Variants in HIBCH observed in about 807,000 individuals in gnomAD.
HIBCH encodes 3-hydroxyisobutyryl-CoA hydrolase, mitochondrial.
Under a neutral mutation model 58.2 loss-of-function variants are expected in HIBCH, and 50 were observed. The ratio of observed to expected loss-of-function variants is 0.86; its 90% CI spans 0.68 to 1.09. The LOEUF is 1.09. HIBCH is among the 50% of genes least tolerant of loss of function. The pLI, the probability that HIBCH is intolerant of heterozygous loss-of-function variation, is 0.00. For missense variants in HIBCH, 450 were observed against 449.7 expected (o/e 1.00, Z -0.01); for synonymous variants, 151 against 146.9 (o/e 1.03, Z -0.20).
intron 11 of HIBCH, among the ~76,000 whole-genome samples, chr2:190,240,493 T>C (rs1407290256): frequency 6.6e-6 from 1 of 152,290 alleles, no homozygotes; most frequent in East Asian, 1.9e-4. Flanking sequence ...CTTTATCTCC[T>C]TCAGTTCTGC....
In HIBCH at chr2:190,262,188, G is replaced by GAA. The variant is rs1202492171; in HGVS notation, c.439-956_439-955dup. ...CAAAAAAAAAAAAAAGAAAAGAAAAGAAAAGAAAAAAACCCTGAGAATGCT... is the reference window on the plus strand; with the variant it reads ...CAAAAAAAAAAAAAAGAAAAGAAAAGAAAAAAGAAAAAAACCCTGAGAATGCT... On this transcript the variant is annotated intron_variant, in intron 6 of 13. Transcript: ENST00000359678. Among the ~76,000 whole-genome samples the GAA allele has an allele frequency of 3.5e-5, 5 of 143,926 alleles. 1 individual carries two copies. The highest frequency in any genetic ancestry group is 3.4e-4 in the Admixed American group (5 of 14,590). The allele number at this position is 143,926 out of a possible 152,430, so 94.4% of individuals were successfully genotyped here. A position where few individuals can be genotyped will look rare whatever the true frequency, so the allele number is the denominator to read the frequency against.
At chr2:190,269,592 T>C (rs1001160494) in intron 6 of HIBCH, among the ~76,000 whole-genome samples, 6 of 152,108 alleles carry the variant, frequency 3.9e-5, no homozygotes, top group Non-Finnish European at 1.5e-5. Context: ...GGCAAGGCAG[T>C]GGAAAAATGG....
In HIBCH at chr2:190,290,487, T is replaced by C. The variant is rs755454222; in HGVS notation, c.305-2A>G. The C allele has an allele frequency of 6.3e-7, 1 of 1,587,118 alleles. No individual in the cohort carries two copies. The highest frequency in any genetic ancestry group is 8.6e-7 in the Non-Finnish European group (1 of 1,157,272). ...TTGCCTTTTCAGCTTCCGAGATCAC[T>C]AGGAAGGAAAGATTACAAATAAAAA... On this transcript the variant is annotated splice_acceptor_variant, in intron 4 of 13. Coordinates refer to ENST00000359678, the MANE Select transcript of HIBCH (RefSeq NM_014362.4). LOFTEE classifies it high-confidence loss of function.
chr2:190,272,547 G>A (rs1193722532), intron 6 of HIBCH, among the ~76,000 whole-genome samples: 1 of 152,038 alleles, frequency 6.6e-6, no homozygotes, highest in Non-Finnish European at 1.5e-5. Context: ...AAATGCACAG[G>A]GCAAAAGGTG....
intron 7 of HIBCH, among the ~76,000 whole-genome samples, chr2:190,253,380 C>T (rs1446923867): frequency 6.6e-6 from 1 of 152,042 alleles, no homozygotes; most frequent in Non-Finnish European, 1.5e-5. Context: ...TTCTACTTTA[C>T]AAAAAAGTTC....
intron 3 of HIBCH, among the ~76,000 whole-genome samples, chr2:190,295,768 T>A (rs376274852): frequency 1.3e-5 from 2 of 152,344 alleles, no homozygotes; most frequent in East Asian, 3.9e-4. Context: ...TATCACATTT[T>A]GGGACATATT....
intron 2 of HIBCH, among the ~76,000 whole-genome samples, chr2:190,303,131 T>C (rs916016160): frequency 8.5e-5 from 13 of 152,326 alleles, no homozygotes; most frequent in African/African-American, 2.6e-4. Flanking sequence ...TGAACTCATG[T>C]TTAGTTTAAT....
At chr2:190,318,072 C>T (rs1422901467) in intron 1 of HIBCH, among the ~76,000 whole-genome samples, 1 of 151,886 alleles carries the variant, frequency 6.6e-6, no homozygotes, top group African/African-American at 2.4e-5. Context: ...ATGATATGCC[C>T]GCCTCGGCCT....
At chr2:190,237,997 A>G (rs1239290974) in intron 11 of HIBCH, among the ~76,000 whole-genome samples, 1 of 152,202 alleles carries the variant, frequency 6.6e-6, no homozygotes, top group Non-Finnish European at 1.5e-5. Context: ...AAAGGACATG[A>G]ACTCATTCTT....
chr2:190,256,320 C>G (rs1485563452), intron 7 of HIBCH, among the ~76,000 whole-genome samples: 1 of 151,928 alleles, frequency 6.6e-6, no homozygotes, highest in African/African-American at 2.4e-5. Context: ...CAGCATGTTC[C>G]CCACCATCTG....
intron 4 of HIBCH, among the ~76,000 whole-genome samples, chr2:190,293,551 G>T (rs1287703688): frequency 6.6e-6 from 1 of 152,144 alleles, no homozygotes; most frequent in African/African-American, 2.4e-5. Flanking sequence ...ATCAGTTTAA[G>T]TAATCAAAGT....
chr2:190,262,667 C>T (rs1687121354), intron 6 of HIBCH, among the ~76,000 whole-genome samples: 1 of 152,210 alleles, frequency 6.6e-6, no homozygotes, highest in South Asian at 2.1e-4. Flanking sequence ...CCCTCTCCAC[C>T]TCCTGAACTC....
At chr2:190,319,586 G>T in intron 1 of HIBCH, 130 bp downstream of exon 1, 1 of 762,874 alleles carries the variant, frequency 1.3e-6, no homozygotes, top group Non-Finnish European at 2.3e-6. Flanking sequence ...GGCCAAGGTT[G>T]GGGTCTCACA....
intron 9 of HIBCH, among the ~76,000 whole-genome samples, chr2:190,246,945 G>C (rs75776262): frequency 7.2e-5 from 11 of 152,064 alleles, no homozygotes; most frequent in Non-Finnish European, 1.3e-4. Flanking sequence ...CTCTGAGTTA[G>C]TGTTGAGACA....
chr2:190,285,209 T>G (rs1004783581), intron 6 of HIBCH, among the ~76,000 whole-genome samples: 1 of 152,228 alleles, frequency 6.6e-6, no homozygotes, highest in Non-Finnish European at 1.5e-5. Context: ...CTTTTTCAAC[T>G]TGTAGCCCTT....
intron 11 of HIBCH, among the ~76,000 whole-genome samples, chr2:190,223,455 T>C (rs1207785385): frequency 3.3e-5 from 5 of 152,040 alleles, no homozygotes; most frequent in African/African-American, 4.8e-5. Flanking sequence ...GCCTGATAAG[T>C]GGTAGTCACT....
chr2:190,251,855 C>T (rs538677645), intron 8 of HIBCH, among the ~76,000 whole-genome samples: 2 of 152,054 alleles, frequency 1.3e-5, no homozygotes, highest in Non-Finnish European at 2.9e-5. Context: ...TAGATTTGTA[C>T]ATATTAGACT....
intron 8 of HIBCH, chr2:190,250,401 A>C (rs1575724719): frequency 4.3e-6 from 2 of 469,422 alleles, no homozygotes; most frequent in East Asian, 1.4e-4. Flanking sequence ...CAGATGAGAG[A>C]GATGGTTATT....
At chr2:190,310,611 G>C in intron 2 of HIBCH, 143 bp downstream of exon 2, 2 of 749,624 alleles carry the variant, frequency 2.7e-6, no homozygotes, top group South Asian at 2.9e-5. Context: ...AGGTGCGTGT[G>C]CCATGTCTTG....
Sources: gnomAD v4.1 joint callset for allele counts (sites outside exome capture counted in the v4.1 genomes callset) on GRCh38, gnomAD v4.1.1 for gene constraint, MANE v1.5 for transcripts, NCBI Gene and HGNC (gene_info 2026-07-23, HGNC 2026-07-21) for gene names.